Variants in LIMK2 observed in about 807,000 individuals in gnomAD.
LIMK2 encodes the protein LIM domain kinase 2.
A neutral mutation model predicts 75.7 loss-of-function variants in LIMK2; 35 were observed. The ratio of observed to expected loss-of-function variants is 0.46; its 90% CI spans 0.35 to 0.61. The LOEUF (loss-of-function observed/expected upper bound fraction) is 0.61, where lower values mean the gene tolerates loss of function less well. Among genes scored for constraint, LIMK2 ranks in the 20% least tolerant of loss-of-function variants. LIMK2 has a pLI of 0.00. For synonymous variants in LIMK2, 301 were observed against 319.2 expected (o/e 0.94, Z 0.61); for missense variants, 623 against 831.0 (o/e 0.75, Z 3.08).
chr22:31,237,501 T>C (rs2048589173), intron 2 of LIMK2, among the ~76,000 whole-genome samples: 1 of 151,412 alleles, frequency 6.6e-6, no homozygotes, highest in South Asian at 2.1e-4. Flanking sequence ...GAGATGGAGG[T>C]TGCAGTGTGC....
intron 2 of LIMK2, among the ~76,000 whole-genome samples, chr22:31,236,639 C>T (rs2048577888): frequency 1.3e-5 from 2 of 149,424 alleles, no homozygotes; most frequent in Admixed American, 6.7e-5. Flanking sequence ...ACGAGCCAGG[C>T]GCGTTTGCTC....
chr22:31,265,191 CAAAA>C (rs35356989), intron 7 of LIMK2, among the ~76,000 whole-genome samples: 82 of 34,498 alleles, frequency 2.4e-3, no homozygotes, highest in African/African-American at 0.01. Flanking sequence ...GAGACTCCAT[CAAAA>C]AAAAAAAAAA....
chr22:31,271,992 TG>T (rs1165930517), intron 12 of LIMK2, among the ~76,000 whole-genome samples: 1 of 152,236 alleles, frequency 6.6e-6, no homozygotes, highest in East Asian at 1.9e-4. Flanking sequence ...CACTGTGGGC[TG>T]GGAGTCTGCT....
chr22:31,255,402 A>C (rs1014050921), intron 2 of LIMK2, among the ~76,000 whole-genome samples: 1 of 152,248 alleles, frequency 6.6e-6, no homozygotes, highest in Middle Eastern at 3.4e-3. Context: ...CCCAGCCCTT[A>C]AGACCCTGAA....
In LIMK2 at chr22:31,216,085, A is replaced by G. The variant is rs537495408; in HGVS notation, c.16+3661A>G. 2.5e-4 allele frequency among the ~76,000 whole-genome samples: 38 copies of G among 152,310 alleles called. 1 individual carries two copies. In the South Asian group the frequency reaches 7.5e-3, roughly 30 times the overall value. On this transcript the variant is annotated intron_variant, in intron 1 of 15. Coordinates refer to ENST00000331728, the MANE Select transcript of LIMK2 (RefSeq NM_005569.4). ...ATTCAGGGATAAATCCATTGAAGAGAAGTGAAGTAGGGTAAGGGGATAGAA... is the reference window on the plus strand; with the variant it reads ...ATTCAGGGATAAATCCATTGAAGAGGAGTGAAGTAGGGTAAGGGGATAGAA...
intron 14 of LIMK2, among the ~76,000 whole-genome samples, chr22:31,274,598 G>T (rs1383599466): frequency 6.6e-6 from 1 of 151,940 alleles, no homozygotes; most frequent in African/African-American, 2.4e-5. Flanking sequence ...ACAGGGTTTC[G>T]CCATATTGGC....
At chr22:31,275,457 A>C in intron 15 of LIMK2, 149 bp downstream of exon 15, 1 of 692,234 alleles carries the variant, frequency 1.4e-6, no homozygotes, top group Non-Finnish European at 2.4e-6. Flanking sequence ...ATCTGACAAC[A>C]CATATGTACA....
Position 31,261,163 on chromosome 22 carries a change from TAAAAG to T in LIMK2, c.552-965_552-961del, listed in dbSNP as rs1253844059. Among the ~76,000 whole-genome samples the T allele has an allele frequency of 8.6e-5, 13 of 151,564 alleles. No homozygotes were observed. The South Asian group carries it at 1.9e-3, about 22-fold the overall frequency. On this transcript the variant is annotated intron_variant, in intron 5 of 15. Coordinates refer to ENST00000331728, the MANE Select transcript of LIMK2 (RefSeq NM_005569.4). ...AGACCCCGTCTCTGTTTTTCTTAATTAAAAGAAAAGTCCAGACGTAGACATAGTGG... is the reference window on the plus strand; with the variant it reads ...AGACCCCGTCTCTGTTTTTCTTAATTAAAAGTCCAGACGTAGACATAGTGG...
intron 1 of LIMK2, among the ~76,000 whole-genome samples, chr22:31,214,760 A>C (rs1478743523): frequency 6.6e-6 from 1 of 152,150 alleles, no homozygotes; most frequent in Non-Finnish European, 1.5e-5. Context: ...AGTGCCTTTG[A>C]GCCTTGGAGC....
chr22:31,242,349 A>G (rs2048629894), intron 2 of LIMK2, among the ~76,000 whole-genome samples: 3 of 152,198 alleles, frequency 2.0e-5, no homozygotes. Context: ...TCCTTTTTCC[A>G]GTATGTTTTT....
At chr22:31,250,251 TC>T (rs2048711874) in intron 2 of LIMK2, among the ~76,000 whole-genome samples, 2 of 152,154 alleles carry the variant, frequency 1.3e-5, no homozygotes, top group South Asian at 4.1e-4. Context: ...ACATTTCAGG[TC>T]CTCATTAATT....
Position 31,262,852 on chromosome 22 carries a change from T to G in LIMK2, c.854+61T>G. On this transcript the variant is annotated intron_variant, in intron 7 of 15. Coordinates refer to ENST00000331728, the MANE Select transcript of LIMK2 (RefSeq NM_005569.4). This position sits in a 1 kb window ranked among gnomAD's most constrained non-coding sequence, Gnocchi z 5.0. ...GTCTGTCTCTCGGATGAAGCTGAGC[T>G]GGCTTTCAGAAGCCTGCAGAGTTAG... The G allele has an allele frequency of 7.1e-7, 1 of 1,403,808 alleles. No homozygotes were observed. The highest frequency in any genetic ancestry group is 1.8e-4 in the Middle Eastern group (1 of 5,448). The allele number at this position is 1,403,808 out of a possible 1,614,324, so 87.0% of individuals were successfully genotyped here. A position where few individuals can be genotyped will look rare whatever the true frequency, so the allele number is the denominator to read the frequency against.
chr22:31,225,900 C>A lies in LIMK2; in HGVS notation c.116+81C>A, dbSNP rs1347777967. The A allele has an allele frequency of 7.6e-6, 8 of 1,050,568 alleles. No homozygotes were observed. The Admixed American group carries it at 9.9e-5, about 13-fold the overall frequency. The allele number at this position is 1,050,568 out of a possible 1,614,324, so 65.1% of individuals were successfully genotyped here. A position where few individuals can be genotyped will look rare whatever the true frequency, so the allele number is the denominator to read the frequency against. ...CATGTTCTGATGGAAAACACAGAAA[C>A]AAGCTTCTGAGTTGAGAATTTCAAT... On this transcript the variant is annotated intron_variant, in intron 2 of 15. Coordinates refer to ENST00000331728, the MANE Select transcript of LIMK2 (RefSeq NM_005569.4).
intron 1 of LIMK2, among the ~76,000 whole-genome samples, chr22:31,217,398 GAAA>G (rs371346839): frequency 0.041 from 5,542 of 134,692 alleles, 148 homozygotes; most frequent in South Asian, 0.094. Context: ...CTCCGTCTCA[GAAA>G]AAAAAAAAAA....
At chr22:31,273,171 C>T in intron 13 of LIMK2, 1 of 358,842 alleles carries the variant, frequency 2.8e-6, no homozygotes, top group Non-Finnish European at 3.9e-6. Flanking sequence ...CATACAGCTG[C>T]CTAATGGCAG....
intron 2 of LIMK2, among the ~76,000 whole-genome samples, chr22:31,254,858 C>G (rs1601426612): frequency 6.6e-6 from 1 of 152,062 alleles, no homozygotes; most frequent in East Asian, 1.9e-4. Context: ...ACTCAGGAGG[C>G]TGAGGTGGGA....
intron 13 of LIMK2, 150 bp downstream of exon 13, chr22:31,272,854 C>A: frequency 7.1e-7 from 1 of 1,407,966 alleles, no homozygotes; most frequent in South Asian, 1.7e-5. Flanking sequence ...GGTGGGGCCT[C>A]ACGATTTAGC....
At chr22:31,254,262 T>C (rs1350307487) in intron 2 of LIMK2, among the ~76,000 whole-genome samples, 3 of 152,166 alleles carry the variant, frequency 2.0e-5, no homozygotes, top group African/African-American at 7.2e-5. Context: ...GTTCTGGTGC[T>C]CCCATGCCCT....
chr22:31,240,624 G>C (rs560891123), intron 2 of LIMK2, among the ~76,000 whole-genome samples: 1 of 151,934 alleles, frequency 6.6e-6, no homozygotes, highest in Non-Finnish European at 1.5e-5. Flanking sequence ...GGGTTTCACC[G>C]TGTTGGCCAG....
Sources: gnomAD v4.1 joint callset for allele counts (sites outside exome capture counted in the v4.1 genomes callset) on GRCh38, gnomAD v4.1.1 for gene constraint, Gnocchi (gnomAD v3.1) non-coding constraint, MANE v1.5 for transcripts, NCBI Gene and HGNC (gene_info 2026-07-23, HGNC 2026-07-21) for gene names.